The following CAMK2D variants were observed in gnomAD, a reference collection of about 807,000 sequenced individuals.
The protein encoded by CAMK2D is calcium/calmodulin-dependent protein kinase type II subunit delta.
CAMK2D carries 37 observed loss-of-function variants against 84.0 expected under a neutral mutation model. The ratio of observed to expected loss-of-function variants is 0.44; its 90% CI spans 0.34 to 0.58. The LOEUF (loss-of-function observed/expected upper bound fraction) is 0.58. CAMK2D is among the 20% of genes least tolerant of loss of function. The pLI is 0.02. For missense variants in CAMK2D, 448 were observed against 652.5 expected (o/e 0.69, Z 3.41); for synonymous variants, 202 against 212.5 (o/e 0.95, Z 0.43).
intron 5 of CAMK2D, among the ~76,000 whole-genome samples, chr4:113,549,669 G>A (rs979330110): frequency 1.3e-5 from 2 of 152,088 alleles, no homozygotes; most frequent in Non-Finnish European, 2.9e-5. Flanking sequence ...CAATTCAAAT[G>A]CAAGTACATC....
rs1357244602 is a variant in CAMK2D, at chr4:113,729,760, A to C, written c.160+29560T>G. On this transcript the variant is annotated intron_variant, in intron 2 of 20. Coordinates refer to ENST00000511664, the MANE Select transcript of CAMK2D (RefSeq NM_001321571.2). Reference sequence around the variant, plus strand: ...TGGAAGGTGATTAGGTCATGAAGGCAGACCTCTCATGAGTGGAATTAGTGT... The same window carrying C: ...TGGAAGGTGATTAGGTCATGAAGGCCGACCTCTCATGAGTGGAATTAGTGT... Among the ~76,000 whole-genome samples the C allele has an allele frequency of 3.3e-5, 5 of 152,224 alleles. No individual in the cohort carries two copies. The East Asian group carries it at 9.6e-4, about 29-fold the overall frequency.
intron 4 of CAMK2D, among the ~76,000 whole-genome samples, chr4:113,596,240 G>C (rs966021575): frequency 6.6e-6 from 1 of 152,168 alleles, no homozygotes; most frequent in Non-Finnish European, 1.5e-5. Flanking sequence ...TACACTTCCA[G>C]TTATAGTCTT....
Position 113,690,924 on chromosome 4 carries a change from G to A in CAMK2D, c.161-29152C>T, listed in dbSNP as rs368842806. Among the ~76,000 whole-genome samples, 36 of 152,228 alleles carry A rather than the reference G, an allele frequency of 2.4e-4. No homozygotes were observed. The East Asian group carries it at 6.4e-3, about 27-fold the overall frequency. ...TTGATAACAGTAACAGATCACACAG[G>A]AAATATGAGAGATTGTTTATGAATG... On this transcript the variant is annotated intron_variant, in intron 2 of 20. Transcript: ENST00000511664.
chr4:113,663,201 G>A (rs2099242223), intron 2 of CAMK2D, among the ~76,000 whole-genome samples: 1 of 152,046 alleles, frequency 6.6e-6, no homozygotes, highest in African/African-American at 2.4e-5. Flanking sequence ...AACTTATTTA[G>A]AAGTATGCAA....
chr4:113,614,040 T>C (rs1359544527), intron 3 of CAMK2D, among the ~76,000 whole-genome samples: 1 of 152,082 alleles, frequency 6.6e-6, no homozygotes, highest in Non-Finnish European at 1.5e-5. Flanking sequence ...GAAACACTTC[T>C]GTCAAAAGAA....
At chr4:113,469,755 C>T (rs1037951743) in intron 16 of CAMK2D, among the ~76,000 whole-genome samples, 1 of 152,174 alleles carries the variant, frequency 6.6e-6, no homozygotes, top group Non-Finnish European at 1.5e-5. Flanking sequence ...GCAAGATCAT[C>T]TCTCAGTTGC....
intron 2 of CAMK2D, among the ~76,000 whole-genome samples, chr4:113,702,084 A>C (rs1041030379): frequency 5.3e-5 from 8 of 152,166 alleles, no homozygotes; most frequent in African/African-American, 1.7e-4. Flanking sequence ...CCATCCTTCA[A>C]GATCCCCTCT....
intron 2 of CAMK2D, among the ~76,000 whole-genome samples, chr4:113,690,797 T>C (rs968617297): frequency 6.6e-6 from 1 of 152,184 alleles, no homozygotes; most frequent in African/African-American, 2.4e-5. Flanking sequence ...ATTTGAGAGA[T>C]TTATAAGCTA....
At chr4:113,590,484 G>T (rs1257057938) in intron 4 of CAMK2D, among the ~76,000 whole-genome samples, 2 of 152,078 alleles carry the variant, frequency 1.3e-5, no homozygotes, top group Admixed American at 6.6e-5. Flanking sequence ...AAAGTCAATG[G>T]ATAATCATGA....
chr4:113,692,761 C>G (rs2099391823), intron 2 of CAMK2D, among the ~76,000 whole-genome samples: 1 of 150,058 alleles, frequency 6.7e-6, no homozygotes, highest in South Asian at 2.1e-4. Flanking sequence ...TACATACATA[C>G]ATATTCAGTG....
chr4:113,529,747 C>A (rs2098445605), intron 8 of CAMK2D, among the ~76,000 whole-genome samples: 1 of 152,036 alleles, frequency 6.6e-6, no homozygotes. Flanking sequence ...GACTTCTGTC[C>A]CCTCGGGATG....
chr4:113,652,556 C>T (rs1396515696), intron 3 of CAMK2D, among the ~76,000 whole-genome samples: 2 of 152,104 alleles, frequency 1.3e-5, no homozygotes, highest in Admixed American at 6.6e-5. Context: ...AGTTATTCTT[C>T]CCCATGGTGA....
At chr4:113,620,408 G>T (rs1206698533) in intron 3 of CAMK2D, among the ~76,000 whole-genome samples, 1 of 152,142 alleles carries the variant, frequency 6.6e-6, no homozygotes, top group Non-Finnish European at 1.5e-5. Flanking sequence ...CTAATGAAAA[G>T]TGTGAAAAGT....
Position 113,536,697 on chromosome 4 carries a change from C to A in CAMK2D, c.517+644G>T, listed in dbSNP as rs6855658. ...AATTTATTCAGACTGAATATTGAAA[C>A]AAAACATAAGTCTGGTTAGAAATAC... On this transcript the variant is annotated intron_variant, in intron 7 of 20. Transcript: ENST00000511664. 5.1e-3 allele frequency among the ~76,000 whole-genome samples: 773 copies of A among 152,114 alleles called. 5 individuals are homozygous for A. The highest frequency in any genetic ancestry group is 0.018 in the African/African-American group (743 of 41,512).
At position 113,616,713 on chromosome 4, in the gene CAMK2D, T is replaced by C. The variant is rs562576238; in HGVS notation, c.221-7507A>G. On this transcript the variant is annotated intron_variant, in intron 3 of 20. Coordinates refer to ENST00000511664, the MANE Select transcript of CAMK2D (RefSeq NM_001321571.2). ...GAAAAACGTCATCAATGGCTAAATA[T>C]AGAAGCTCAGAGAAGACTAAAACAA... is the stretch of plus-strand genomic sequence containing the variant. 4.6e-5 allele frequency among the ~76,000 whole-genome samples: 7 copies of C among 152,296 alleles called. No homozygotes were observed. In the East Asian group the frequency reaches 5.8e-4, roughly 13 times the overall value.
At chr4:113,539,481 T>C (rs1473674039) in intron 6 of CAMK2D, among the ~76,000 whole-genome samples, 2 of 152,262 alleles carry the variant, frequency 1.3e-5, no homozygotes, top group Non-Finnish European at 2.9e-5. Flanking sequence ...TTTTCACTCT[T>C]ATCACTAAAT....
At chr4:113,633,673 A>G (rs1370961539) in intron 3 of CAMK2D, among the ~76,000 whole-genome samples, 1 of 152,218 alleles carries the variant, frequency 6.6e-6, no homozygotes, top group Non-Finnish European at 1.5e-5. Flanking sequence ...GAGATAGTAC[A>G]GAAGTGACTG....
In CAMK2D at chr4:113,593,633, T is replaced by C. The variant is rs75153781; in HGVS notation, c.275+15519A>G. Among the ~76,000 whole-genome samples the C allele has an allele frequency of 7.8e-3, 1,191 of 152,250 alleles. 13 individuals are homozygous for C. The highest frequency in any genetic ancestry group is 0.027 in the African/African-American group (1,115 of 41,544). On this transcript the variant is annotated intron_variant, in intron 4 of 20. Coordinates refer to ENST00000511664, the MANE Select transcript of CAMK2D (RefSeq NM_001321571.2). ...AAGAAGGAGGAGAAAAGAAACAACT[T>C]TGAAATATGGCAGAGAATGCTGTTT... is the stretch of plus-strand genomic sequence containing the variant.
chr4:113,515,403 A>G (rs147353290), intron 9 of CAMK2D, among the ~76,000 whole-genome samples: 3 of 152,290 alleles, frequency 2.0e-5, no homozygotes, highest in African/African-American at 7.2e-5. Flanking sequence ...AGTATCTGAT[A>G]AGGGACCAAC....
Sources: gnomAD v4.1 joint callset for allele counts (sites outside exome capture counted in the v4.1 genomes callset) on GRCh38, gnomAD v4.1.1 for gene constraint, MANE v1.5 for transcripts, NCBI Gene and HGNC (gene_info 2026-07-23, HGNC 2026-07-21) for gene names.